EIF4G3: variants seen among roughly 807,000 people sequenced by gnomAD.
The protein encoded by EIF4G3 is eIF-4-gamma 3.
Under a neutral mutation model 186.4 loss-of-function variants are expected in EIF4G3, and 34 were observed. The ratio of observed to expected loss-of-function variants is 0.18; its 90% CI spans 0.14 to 0.24. EIF4G3 has a LOEUF of 0.24. EIF4G3 is among the 10% of genes least tolerant of loss of function. EIF4G3 has a pLI of 1.00. For missense variants in EIF4G3, 1,536 were observed against 1,948.5 expected (o/e 0.79, Z 3.99); for synonymous variants, 673 against 679.5 (o/e 0.99, Z 0.15).
intron 12 of EIF4G3, among the ~76,000 whole-genome samples, chr1:20,962,278 T>TA (rs1214337870): frequency 2.0e-5 from 3 of 152,182 alleles, no homozygotes; most frequent in Non-Finnish European, 4.4e-5. Flanking sequence ...GCCTTACCGA[T>TA]AAAACATATT....
At chr1:21,159,908 C>T (rs961086981) in intron 2 of EIF4G3, among the ~76,000 whole-genome samples, 10 of 152,124 alleles carry the variant, frequency 6.6e-5, no homozygotes, top group Non-Finnish European at 1.5e-4. Context: ...GAGTTCAAGA[C>T]CAGCCTGGGC....
In EIF4G3 at chr1:20,950,050, T is replaced by C. The variant is rs759787647; in HGVS notation, c.776A>G (p.His259Arg). 2 of 1,613,624 alleles carry C rather than the reference T, an allele frequency of 1.2e-6. No individual in the cohort carries two copies. Among genetic ancestry groups the C allele is most frequent in the South Asian group, 1.1e-5 (1 of 91,050 alleles). The part of the protein sequence containing the change: ...PVVYGTVESA[H>R]LAASTPVTAA... ...AGTGACAGGGGTGCTGGCAGCAAGATGAGCGCTCTCCACAGTCCCATAAAC... is the reference window on the plus strand; with the variant it reads ...AGTGACAGGGGTGCTGGCAGCAAGACGAGCGCTCTCCACAGTCCCATAAAC... The change falls in exon 13 of 37, where the codon CAT becomes CGT. Residue 259 changes from histidine to arginine, a missense_variant. By Grantham distance (29) the His-to-Arg change is conservative. Around this residue, in one of 11 missense-constraint regions of EIF4G3, gnomAD observed 560 missense variants for 547.8 expected, o/e 1.02. Coordinates refer to ENST00000602326, the MANE Select transcript of EIF4G3 (RefSeq NM_001391906.1).
At chr1:21,143,232 AAGTG>A (rs2102686551) in intron 2 of EIF4G3, among the ~76,000 whole-genome samples, 1 of 151,848 alleles carries the variant, frequency 6.6e-6, no homozygotes, top group South Asian at 2.1e-4. Context: ...CTGGGCGACA[AAGTG>A]AGAATTCGTC....
intron 2 of EIF4G3, among the ~76,000 whole-genome samples, chr1:21,150,937 C>T (rs181603238): frequency 6.6e-6 from 1 of 152,308 alleles, no homozygotes; most frequent in African/African-American, 2.4e-5. Context: ...AATCATACCA[C>T]TGCACTCCAG....
At chr1:20,988,869 T>TA (rs2080202485) in intron 7 of EIF4G3, among the ~76,000 whole-genome samples, 1 of 151,058 alleles carries the variant, frequency 6.6e-6, no homozygotes, top group African/African-American at 2.4e-5. Flanking sequence ...GCAAACTACA[T>TA]AAAAAACTTC....
At chr1:21,106,066 CTT>C (rs1048552858) in intron 2 of EIF4G3, among the ~76,000 whole-genome samples, 45 of 132,266 alleles carry the variant, frequency 3.4e-4, no homozygotes, top group Admixed American at 3.1e-4. Flanking sequence ...GACCCTGTCT[CTT>C]TTTTTTTTTT....
Position 20,857,517 on chromosome 1 carries a change from G to A in EIF4G3, c.3245-20C>T, listed in dbSNP as rs1022884196. 1 of 1,590,876 alleles carries A rather than the reference G, an allele frequency of 6.3e-7. No homozygotes were observed. On this transcript the variant is annotated intron_variant, in intron 24 of 36. Transcript: ENST00000602326. ...GGACACCTGCAGGGAGAACAGAGTG[G>A]GAGTCTCTCATCTGTCTCAAGTCAG...
Position 21,073,187 on chromosome 1 carries a change from T to C in EIF4G3, c.-196+15951A>G, listed in dbSNP as rs375058210. Among the ~76,000 whole-genome samples the C allele has an allele frequency of 4.6e-5, 7 of 152,312 alleles. 1 individual carries two copies. The highest frequency in any genetic ancestry group is 1.7e-4 in the African/African-American group (7 of 41,588). On this transcript the variant is annotated intron_variant, in intron 3 of 36. Coordinates refer to ENST00000602326, the MANE Select transcript of EIF4G3 (RefSeq NM_001391906.1). Reference sequence around the variant, plus strand: ...TTTTCATGATTTAAATATTATGTCATTCCCTTAGTAGAAACTCTTCAACAG... The same window carrying C: ...TTTTCATGATTTAAATATTATGTCACTCCCTTAGTAGAAACTCTTCAACAG...
intron 3 of EIF4G3, among the ~76,000 whole-genome samples, chr1:21,062,124 T>A (rs1481768226): frequency 6.6e-6 from 1 of 152,014 alleles, no homozygotes; most frequent in Non-Finnish European, 1.5e-5. Context: ...AGTAGTGCGA[T>A]CATAGCCCAC....
chr1:20,904,919 G>A lies in EIF4G3; in HGVS notation c.1716C>T (p.Thr572=), dbSNP rs371798270. The part of the protein sequence containing the change: ...PKTWKKPKDR[T]RTTEEMLEAE... Reference sequence around the variant, plus strand: ...CCTCTAACATCTCTTCAGTGGTTCGGGTCCGATCTTTTGGTTTCTTCCATG... The same window carrying A: ...CCTCTAACATCTCTTCAGTGGTTCGAGTCCGATCTTTTGGTTTCTTCCATG... Residue 572 remains threonine (T), a synonymous_variant, in exon 15 of 37, where the codon ACC becomes ACT. Coordinates refer to ENST00000602326, the MANE Select transcript of EIF4G3 (RefSeq NM_001391906.1). 7 of 1,613,738 alleles carry A rather than the reference G, an allele frequency of 4.3e-6. No individual in the cohort carries two copies. The African/African-American group carries it at 8.0e-5, about 18-fold the overall frequency.
intron 12 of EIF4G3, among the ~76,000 whole-genome samples, chr1:20,955,946 G>A (rs1029935611): frequency 6.6e-6 from 1 of 152,064 alleles, no homozygotes; most frequent in African/African-American, 2.4e-5. Context: ...GTCAAAAATT[G>A]GGTATCTAAC....
intron 2 of EIF4G3, among the ~76,000 whole-genome samples, chr1:21,145,168 T>C (rs2097416452): frequency 6.6e-6 from 1 of 152,152 alleles, no homozygotes. Flanking sequence ...TTTAGTATTT[T>C]GCATGGAGGG....
chr1:21,136,801 T>G (rs2097253991), intron 2 of EIF4G3, among the ~76,000 whole-genome samples: 1 of 152,294 alleles, frequency 6.6e-6, no homozygotes, highest in African/African-American at 2.4e-5. Context: ...GAAAACAGTA[T>G]TTACACTTGA....
chr1:20,919,930 C>G (rs540254980), intron 14 of EIF4G3, among the ~76,000 whole-genome samples: 1 of 143,684 alleles, frequency 7.0e-6, no homozygotes, highest in East Asian at 1.9e-4. Flanking sequence ...TTTTTTAAGA[C>G]GGAGTTTTGC....
intron 19 of EIF4G3, among the ~76,000 whole-genome samples, chr1:20,883,627 G>GA (rs894008201): frequency 1.6e-3 from 180 of 112,580 alleles, no homozygotes; most frequent in South Asian, 3.2e-3. Context: ...CATCTTAAAA[G>GA]AAAAAAAAAA....
intron 14 of EIF4G3, among the ~76,000 whole-genome samples, chr1:20,937,319 T>C (rs1419698392): frequency 1.3e-5 from 2 of 152,214 alleles, no homozygotes; most frequent in Non-Finnish European, 2.9e-5. Flanking sequence ...GTCCTTAGGC[T>C]TTGGGATAGA....
chr1:21,118,494 T>C (rs539876485), intron 2 of EIF4G3, among the ~76,000 whole-genome samples: 6 of 152,206 alleles, frequency 3.9e-5, no homozygotes, highest in African/African-American at 1.2e-4. Context: ...AGATTAGATA[T>C]AGAAATGTTG....
At chr1:21,137,463 C>A (rs1014519821) in intron 2 of EIF4G3, among the ~76,000 whole-genome samples, 3 of 151,902 alleles carry the variant, frequency 2.0e-5, no homozygotes, top group African/African-American at 7.3e-5. Context: ...TGGACACCAT[C>A]ATCTATGAAA....
At chr1:21,039,251 A>C (rs1415693956) in intron 4 of EIF4G3, among the ~76,000 whole-genome samples, 2 of 152,254 alleles carry the variant, frequency 1.3e-5, no homozygotes, top group African/African-American at 4.8e-5. Flanking sequence ...CATGCCAAAA[A>C]AACGAAGCCA....
Sources: gnomAD v4.1 joint callset for allele counts (sites outside exome capture counted in the v4.1 genomes callset) on GRCh38, gnomAD v4.1.1 for gene constraint, gnomAD v4.1.1 regional missense constraint, MANE v1.5 for transcripts, NCBI Gene and HGNC (gene_info 2026-07-23, HGNC 2026-07-21) for gene names.